The following RBMS2 variants were observed in gnomAD, a reference collection of about 807,000 sequenced individuals.
RBMS2 encodes RNA-binding motif, single-stranded-interacting protein 2.
A neutral mutation model predicts 58.4 loss-of-function variants in RBMS2; 38 were observed. That is an observed-to-expected ratio of 0.65 (90% CI 0.50 to 0.85). The LOEUF (loss-of-function observed/expected upper bound fraction) is 0.85. Among genes scored for constraint, RBMS2 ranks in the 40% least tolerant of loss-of-function variants. The pLI is 0.00. For missense variants in RBMS2, 367 were observed against 503.7 expected, an observed-to-expected ratio of 0.73 and a Z score of 2.60; for synonymous variants, 151 against 180.7, an observed-to-expected ratio of 0.84 and a Z score of 1.32.
chr12:56,588,189 C>A (rs1271719832), intron 11 of RBMS2, 105 bp from the exon 12 acceptor site: 2 of 894,076 alleles, frequency 2.2e-6, no homozygotes, highest in East Asian at 2.5e-5. Context: ...AAAATAGAAT[C>A]TCTGGGGTAG....
intron 5 of RBMS2, among the ~76,000 whole-genome samples, chr12:56,573,345 C>T (rs7969260): frequency 0.67 from 100,949 of 151,034 alleles, 36,753 homozygotes; most frequent in East Asian, 0.84. Flanking sequence ...GGTATGGTGG[C>T]GGGCTCCTGT....
At chr12:56,540,505 C>T (rs1161409839) in intron 1 of RBMS2, among the ~76,000 whole-genome samples, 2 of 152,026 alleles carry the variant, frequency 1.3e-5, no homozygotes, top group African/African-American at 4.8e-5. Flanking sequence ...TTCCATGTAG[C>T]CGGGACTACA....
chr12:56,564,974 T>G (rs1008951625), intron 2 of RBMS2, among the ~76,000 whole-genome samples: 1 of 152,140 alleles, frequency 6.6e-6, no homozygotes, highest in Non-Finnish European at 1.5e-5. Flanking sequence ...ATCACGCCAC[T>G]GCACCACAGC....
intron 1 of RBMS2, among the ~76,000 whole-genome samples, chr12:56,531,767 G>A (rs971911770): frequency 1.4e-4 from 21 of 145,892 alleles, no homozygotes; most frequent in Non-Finnish European, 2.1e-4. Context: ...GCAGTGAGCC[G>A]AGATCTGCCA....
chr12:56,572,931 G>C, intron 5 of RBMS2: 4 of 985,162 alleles, frequency 4.1e-6, no homozygotes, highest in Non-Finnish European at 4.8e-6. Flanking sequence ...GTTTTCCCAG[G>C]TGCCCTTCTT....
chr12:56,558,283 T>TG (rs1879661131), intron 1 of RBMS2, among the ~76,000 whole-genome samples: 2 of 73,848 alleles, frequency 2.7e-5, no homozygotes, highest in African/African-American at 8.7e-5. Flanking sequence ...CTTGACCTCA[T>TG]GATCCGCCAG....
At chr12:56,584,581 C>T (rs1010682370) in intron 9 of RBMS2, among the ~76,000 whole-genome samples, 3 of 151,918 alleles carry the variant, frequency 2.0e-5, no homozygotes, top group Non-Finnish European at 2.9e-5. Flanking sequence ...GTCAGGAGAT[C>T]GAGACCATCC....
At chr12:56,536,681 C>CCT (rs1170020407) in intron 1 of RBMS2, among the ~76,000 whole-genome samples, 1 of 151,044 alleles carries the variant, frequency 6.6e-6, no homozygotes, top group African/African-American at 2.4e-5. Context: ...AATTATCCTG[C>CCT]CTCAGCCTTC....
intron 9 of RBMS2, among the ~76,000 whole-genome samples, chr12:56,584,333 T>TGA (rs1267747107): frequency 6.6e-6 from 1 of 151,086 alleles, no homozygotes; most frequent in Non-Finnish European, 1.5e-5. Context: ...CTCAGGAGGC[T>TGA]GAGGTGGGAG....
intron 1 of RBMS2, among the ~76,000 whole-genome samples, chr12:56,525,334 G>A (rs961693070): frequency 2.0e-5 from 3 of 151,720 alleles, no homozygotes; most frequent in East Asian, 2.0e-4. Flanking sequence ...CGATTCTCCC[G>A]CCTCAACCTC....
chr12:56,578,031 C>T (rs1883394047), intron 5 of RBMS2, among the ~76,000 whole-genome samples: 1 of 152,084 alleles, frequency 6.6e-6, no homozygotes, highest in African/African-American at 2.4e-5. Flanking sequence ...CACTGTTTTG[C>T]CCAAGCTGGT....
intron 1 of RBMS2, among the ~76,000 whole-genome samples, chr12:56,558,989 CT>C (rs1879844698): frequency 6.6e-6 from 1 of 152,128 alleles, no homozygotes; most frequent in Non-Finnish European, 1.5e-5. Flanking sequence ...CCTCAACCCC[CT>C]GAGCAGGTGG....
intron 9 of RBMS2, among the ~76,000 whole-genome samples, chr12:56,583,605 G>T (rs1026675464): frequency 9.9e-5 from 15 of 151,550 alleles, no homozygotes; most frequent in African/African-American, 3.2e-4. Context: ...GGTGAGCCGA[G>T]ATCGCGCCAC....
chr12:56,578,150 A>G (rs1883413348), intron 5 of RBMS2, among the ~76,000 whole-genome samples: 1 of 150,770 alleles, frequency 6.6e-6, no homozygotes, highest in South Asian at 2.1e-4. Flanking sequence ...TTTTTTTGAG[A>G]TGGCGTCTCG....
In RBMS2 at chr12:56,594,567, A is replaced by T. The variant is rs1404350399; in HGVS notation, c.*5434A>T. 1.3e-5 allele frequency: 2 copies of T among 152,228 alleles called. No homozygotes were observed. Among genetic ancestry groups the T allele is most frequent in the Non-Finnish European group, 2.9e-5 (2 of 68,040 alleles). 9.4% of individuals were successfully genotyped at this position (152,228 alleles called of 1,614,324 possible). On this transcript the variant is annotated 3_prime_UTR_variant, in exon 14 of 14. Coordinates refer to ENST00000262031, the MANE Select transcript of RBMS2 (RefSeq NM_002898.4). The stretch of plus-strand genomic sequence containing the variant: ...ATTTTCAATCCTCCCACGCATTAGC[A>T]AATTCCTGAAATTTCCTCATTTGGT...
At chr12:56,586,100 G>A (rs570830490) in intron 9 of RBMS2, among the ~76,000 whole-genome samples, 2 of 152,250 alleles carry the variant, frequency 1.3e-5, no homozygotes, top group East Asian at 1.9e-4. Flanking sequence ...AGGCTGAGGC[G>A]GGCATATCAC....
chr12:56,569,078 A>G (rs373002968), intron 3 of RBMS2, 45 bp downstream of exon 3: 23 of 1,536,200 alleles, frequency 1.5e-5, no homozygotes, highest in Non-Finnish European at 2.0e-5. Flanking sequence ...CCAGTAAGTG[A>G]GGCCATCCCT....
intron 1 of RBMS2, among the ~76,000 whole-genome samples, chr12:56,544,827 C>T (rs1476191836): frequency 1.5e-5 from 2 of 137,320 alleles, no homozygotes; most frequent in Non-Finnish European, 3.0e-5. Flanking sequence ...CTCCTGGGCT[C>T]AAGCAATCCA....
At position 56,581,194 on chromosome 12, in the gene RBMS2, A is replaced by G. The variant is rs748980172; in HGVS notation, c.553A>G (p.Thr185Ala). ...RGVGFARMES[T>A]EKCEAIITHF... ...TCTTATGCTCCTTAGGATGGAGTCC[A>G]CAGAGAAGTGTGAAGCCATCATCAC... Residue 185 changes from threonine to alanine, a missense_variant, in exon 6 of 14, where the codon ACA (threonine) becomes GCA (alanine). Physicochemically the swap from Thr to Ala is moderately conservative, Grantham distance 58. Transcript: ENST00000262031. 6.2e-7 allele frequency: 1 copy of G among 1,601,816 alleles called. No individual in the cohort carries two copies. Among genetic ancestry groups the G allele is most frequent in the Admixed American group, 1.7e-5 (1 of 59,980 alleles).
Sources: allele counts gnomAD v4.1 joint callset (sites outside exome capture counted in the v4.1 genomes callset), GRCh38; gene constraint gnomAD v4.1.1; transcripts MANE v1.5; gene names NCBI Gene and HGNC (gene_info 2026-07-23, HGNC 2026-07-21).